The following ARPC2 variants were observed in gnomAD, a reference collection of about 807,000 sequenced individuals.
ARPC2 encodes actin related protein 2/3 complex subunit 2, also known as actin-related protein 2/3 complex subunit 2.
A neutral mutation model predicts 38.6 loss-of-function variants in ARPC2; 4 were observed. That is an observed-to-expected ratio of 0.10 (90% CI 0.05 to 0.24). The LOEUF (loss-of-function observed/expected upper bound fraction) is 0.24, where lower values mean the gene tolerates loss of function less well. ARPC2 is among the 10% of genes least tolerant of loss of function. The pLI, the probability that ARPC2 is intolerant of heterozygous loss-of-function variation, is 1.00. For missense variants in ARPC2, 229 were observed against 387.3 expected, an observed-to-expected ratio of 0.59 and a Z score of 3.43; for synonymous variants, 125 against 140.8, an observed-to-expected ratio of 0.89 and a Z score of 0.79.
intron 10 of ARPC2, among the ~76,000 whole-genome samples, chr2:218,251,958 C>T (rs1690202492): frequency 2.0e-5 from 3 of 152,282 alleles, no homozygotes; most frequent in South Asian, 4.1e-4. Flanking sequence ...CGGTGGCTCA[C>T]GCTTGTAATC....
At chr2:218,236,227 G>A (rs1689766097) in intron 5 of ARPC2, 1 of 151,888 alleles carries the variant, frequency 6.6e-6, no homozygotes, top group South Asian at 2.1e-4. Flanking sequence ...CATCATGTTA[G>A]AAGCCTTACT....
intron 7 of ARPC2, among the ~76,000 whole-genome samples, chr2:218,241,458 G>A (rs1689914989): frequency 1.3e-5 from 2 of 152,216 alleles, no homozygotes; most frequent in South Asian, 4.1e-4. Flanking sequence ...GGCATTTCAT[G>A]TGTTTTTATG....
At chr2:218,245,619 G>C in intron 8 of ARPC2, 73 bp downstream of exon 8, 1 of 1,575,554 alleles carries the variant, frequency 6.3e-7, no homozygotes, top group South Asian at 1.2e-5. Flanking sequence ...AATCTGCACA[G>C]AACCTTGGTT....
intron 2 of ARPC2, among the ~76,000 whole-genome samples, chr2:218,225,479 T>A (rs1258045348): frequency 1.3e-5 from 2 of 152,214 alleles, no homozygotes; most frequent in Non-Finnish European, 2.9e-5. Flanking sequence ...TGGCCCGAAA[T>A]CATCCTTTCT....
chr2:218,223,229 A>G (rs1384375195), intron 2 of ARPC2, among the ~76,000 whole-genome samples: 2 of 152,374 alleles, frequency 1.3e-5, no homozygotes, highest in Non-Finnish European at 2.9e-5. Context: ...TGAGTAGCAT[A>G]ATGAAATCTT....
chr2:218,238,561 T>G, intron 5 of ARPC2, 103 bp from the exon 6 acceptor site: 1 of 873,104 alleles, frequency 1.1e-6, no homozygotes, highest in Admixed American at 2.7e-5. Flanking sequence ...GCCTCTAGTC[T>G]CTGTTTACTT....
intron 7 of ARPC2, among the ~76,000 whole-genome samples, chr2:218,243,108 T>A (rs897438519): frequency 6.6e-6 from 1 of 152,222 alleles, no homozygotes; most frequent in Non-Finnish European, 1.5e-5. Flanking sequence ...TGATTTTTTC[T>A]TATTTGTTGA....
At chr2:218,231,508 A>G (rs1689633003) in intron 4 of ARPC2, among the ~76,000 whole-genome samples, 1 of 152,214 alleles carries the variant, frequency 6.6e-6, no homozygotes, top group Non-Finnish European at 1.5e-5. Context: ...CTTGTAGCTC[A>G]GAGGTCGCAT....
At chr2:218,253,205 GC>G (rs1247149654) in intron 10 of ARPC2, among the ~76,000 whole-genome samples, 1 of 152,146 alleles carries the variant, frequency 6.6e-6, no homozygotes, top group African/African-American at 2.4e-5. Context: ...CCATGTTTTT[GC>G]CCTGATTTCC....
rs879157920 is a variant in ARPC2, at chr2:218,254,104, G to T, written c.*189G>T. On this transcript the variant is annotated 3_prime_UTR_variant, in exon 11 of 11. Coordinates refer to ENST00000315717, the MANE Select transcript of ARPC2 (RefSeq NM_152862.3). The stretch of plus-strand genomic sequence containing the variant: ...CTTGCAAAGACTTCATAGTTCCCAA[G>T]AATTAAAAAAAAAAAAAAAAGAATT... The T allele has an allele frequency of 3.7e-4, 142 of 386,480 alleles. No homozygotes were observed. The highest frequency in any genetic ancestry group is 5.6e-4 in the East Asian group (13 of 23,372). The allele number at this position is 386,480 out of a possible 1,614,324, so 23.9% of individuals were successfully genotyped here.
intron 9 of ARPC2, 47 bp from the exon 10 acceptor site, chr2:218,249,757 AAGACAGCAAAGCTGTCT>A: frequency 4.7e-6 from 7 of 1,484,722 alleles, no homozygotes; most frequent in Non-Finnish European, 5.5e-6. Flanking sequence ...TCTCTGATGA[AAGACAGCAAAGCTGTCT>A]TTCTAGACCA....
chr2:218,222,997 C>T, intron 2 of ARPC2, among the ~76,000 whole-genome samples: 1 of 152,150 alleles, frequency 6.6e-6, no homozygotes, highest in East Asian at 1.9e-4. Context: ...GATCCTGCCA[C>T]CTGCTGCCTG....
chr2:218,238,741 T>A lies in ARPC2; in HGVS notation c.346T>A (p.Leu116Met). 6.2e-7 allele frequency: 1 copy of A among 1,614,020 alleles called. No homozygotes were observed. Among genetic ancestry groups the A allele is most frequent in the Non-Finnish European group, 8.5e-7 (1 of 1,179,968 alleles). Residue 116 changes from leucine to methionine, a missense_variant, in exon 6 of 11, where the codon TTG becomes ATG. Physicochemically the swap from Leu to Met is conservative, Grantham distance 15 (BLOSUM62 2). This residue lies in a region of ARPC2 where 135 missense variants were observed against 214.1 expected (regional missense o/e 0.63). Transcript: ENST00000315717. ...KDSIVHQAGM[L>M]KRNCFASVFE... ...TTCCATTGTGCATCAAGCTGGCATG[T>A]TGAAGCGAAATTGTTTTGCCTCTGT...
intron 2 of ARPC2, among the ~76,000 whole-genome samples, chr2:218,220,883 T>C (rs1433335233): frequency 6.6e-6 from 1 of 152,194 alleles, no homozygotes; most frequent in Non-Finnish European, 1.5e-5. Flanking sequence ...TAATTATTGG[T>C]AAATTGTCTT....
intron 8 of ARPC2, among the ~76,000 whole-genome samples, chr2:218,247,764 A>G (rs1485531075): frequency 6.6e-6 from 1 of 152,148 alleles, no homozygotes; most frequent in Non-Finnish European, 1.5e-5. Context: ...TAACACAGTG[A>G]AACCCCATCT....
chr2:218,241,107 C>T (rs73084201), intron 7 of ARPC2, among the ~76,000 whole-genome samples: 3,531 of 152,230 alleles, frequency 0.023, 114 homozygotes, highest in African/African-American at 0.079. Flanking sequence ...TTTTTGAAAA[C>T]GTTACTACCT....
At chr2:218,226,905 C>T (rs1689510634) in intron 3 of ARPC2, 4 of 408,986 alleles carry the variant, frequency 9.8e-6, no homozygotes, top group Non-Finnish European at 2.0e-5. Context: ...GAAACATGAA[C>T]AGCTAGAGAT....
chr2:218,222,915 G>C (rs750249189), intron 2 of ARPC2, among the ~76,000 whole-genome samples: 7 of 152,118 alleles, frequency 4.6e-5, no homozygotes, highest in Non-Finnish European at 5.9e-5. Flanking sequence ...TCTTGACCTT[G>C]TTTATCGTAT....
intron 7 of ARPC2, among the ~76,000 whole-genome samples, chr2:218,239,925 A>T (rs977509130): frequency 3.4e-5 from 5 of 147,048 alleles, no homozygotes; most frequent in Non-Finnish European, 7.5e-5. Context: ...TTAATAGACA[A>T]CTCCCACAAA....
Sources: allele counts gnomAD v4.1 joint callset (sites outside exome capture counted in the v4.1 genomes callset), GRCh38; gene constraint gnomAD v4.1.1; regional missense constraint gnomAD v4.1.1; transcripts MANE v1.5; gene names NCBI Gene and HGNC (gene_info 2026-07-23, HGNC 2026-07-21).